The following ZC3H12B variants were observed in gnomAD, a reference collection of about 807,000 sequenced individuals.
The protein encoded by ZC3H12B is probable ribonuclease ZC3H12B.
Under a neutral mutation model 43.9 loss-of-function variants are expected in ZC3H12B, and 7 were observed. That is an observed-to-expected ratio of 0.16 (90% CI 0.09 to 0.30). ZC3H12B has a LOEUF of 0.30. Among genes scored for constraint, ZC3H12B ranks in the 10% least tolerant of loss-of-function variants. ZC3H12B has a pLI of 1.00. For missense variants in ZC3H12B, 475 were observed against 670.2 expected (o/e 0.71, Z 3.22); for synonymous variants, 222 against 241.7 (o/e 0.92, Z 0.76).
At chrX:65,314,182 A>G in the ZC3H12B span, among the ~76,000 whole-genome samples, 20 of 111,330 alleles carry the variant, frequency 1.8e-4, no homozygotes, top group African/African-American at 6.5e-4. Flanking sequence ...CAATATCACA[A>G]GGTCTAATGT....
At chrX:65,162,204 T>G in the ZC3H12B span, among the ~76,000 whole-genome samples, 60 of 111,437 alleles carry the variant, frequency 5.4e-4, no homozygotes, top group African/African-American at 1.8e-3. Flanking sequence ...TTAACATTTT[T>G]TCCTTCATTT....
the ZC3H12B span, among the ~76,000 whole-genome samples, chrX:65,117,255 A>C: frequency 8.9e-6 from 1 of 111,735 alleles, no homozygotes; most frequent in Non-Finnish European, 1.9e-5. Flanking sequence ...CGCCATTCTA[A>C]CTGGTGTGAG....
intron 3 of ZC3H12B, among the ~76,000 whole-genome samples, chrX:65,475,952 T>A (rs1482654696): frequency 8.9e-6 from 1 of 112,301 alleles, no homozygotes; most frequent in Non-Finnish European, 1.9e-5. Context: ...AAACCAAATC[T>A]CCCAGATTGC....
At chrX:65,363,559 C>T (rs867523903), upstream of ZC3H12B, among the ~76,000 whole-genome samples, 2 of 111,762 alleles carry the variant, frequency 1.8e-5, no homozygotes, top group African/African-American at 3.3e-5. Context: ...CTCCTGTTTC[C>T]GTTCCTTGAA....
chrX:65,258,599 C>T, the ZC3H12B span, among the ~76,000 whole-genome samples: 3 of 111,352 alleles, frequency 2.7e-5, no homozygotes, highest in Admixed American at 9.6e-5. Context: ...AATAAAGGCT[C>T]TTAAATAGGA....
intron 3 of ZC3H12B, among the ~76,000 whole-genome samples, chrX:65,472,739 G>A (rs1462981510): frequency 1.1e-5 from 1 of 94,865 alleles, no homozygotes; most frequent in African/African-American, 3.9e-5. Flanking sequence ...TAATGATGTG[G>A]ATTTATTTCT....
At chrX:65,459,557 G>A (rs1351815918) in intron 3 of ZC3H12B, among the ~76,000 whole-genome samples, 1 of 111,622 alleles carries the variant, frequency 9.0e-6, no homozygotes, top group Non-Finnish European at 1.9e-5. Flanking sequence ...TTCAACATAT[G>A]CAAATCAATA....
chrX:65,287,924 C>A, the ZC3H12B span, among the ~76,000 whole-genome samples: 4 of 107,136 alleles, frequency 3.7e-5, no homozygotes, highest in Admixed American at 3.0e-4. Context: ...TGAGAGAGGA[C>A]CCTAATAAGC....
the ZC3H12B span, among the ~76,000 whole-genome samples, chrX:65,113,866 A>T: frequency 1.9e-3 from 197 of 106,133 alleles, 2 homozygotes; most frequent in Middle Eastern, 9.6e-3. Flanking sequence ...ACTGAAGTAT[A>T]GTATAAAAAT....
chrX:65,351,695 A>T, the ZC3H12B span, among the ~76,000 whole-genome samples: 1 of 112,825 alleles, frequency 8.9e-6, no homozygotes, highest in East Asian at 2.8e-4. Flanking sequence ...ACATTTATGC[A>T]GCTAACAGAC....
the ZC3H12B span, among the ~76,000 whole-genome samples, chrX:65,337,675 G>A: frequency 3.6e-5 from 4 of 112,329 alleles, no homozygotes; most frequent in Non-Finnish European, 5.6e-5. Flanking sequence ...TAACTAGAAG[G>A]GTATTGATAG....
chrX:65,323,595 G>A, the ZC3H12B span, among the ~76,000 whole-genome samples: 1 of 112,246 alleles, frequency 8.9e-6, no homozygotes, highest in South Asian at 3.7e-4. Context: ...GTCTACCATT[G>A]AGGTGCATTT....
At chrX:65,413,468 G>C (rs1006168163) in intron 3 of ZC3H12B, among the ~76,000 whole-genome samples, 4 of 111,261 alleles carry the variant, frequency 3.6e-5, no homozygotes, top group Non-Finnish European at 7.5e-5. Flanking sequence ...TTTTGTTTAT[G>C]GTGTGAAGTA....
chrX:65,116,861 T>A, the ZC3H12B span, among the ~76,000 whole-genome samples: 1 of 111,826 alleles, frequency 8.9e-6, no homozygotes, highest in Non-Finnish European at 1.9e-5. Flanking sequence ...GGTATCCAGC[T>A]TCATCCATGT....
the ZC3H12B span, among the ~76,000 whole-genome samples, chrX:65,247,559 A>T: frequency 1.1e-4 from 12 of 113,056 alleles, no homozygotes; most frequent in African/African-American, 3.8e-4. Context: ...ATGAAGCTGT[A>T]AAAAAGAATG....
the ZC3H12B span, among the ~76,000 whole-genome samples, chrX:65,187,821 A>T: frequency 1.8e-5 from 2 of 110,916 alleles, no homozygotes; most frequent in Admixed American, 9.7e-5. Flanking sequence ...CCATCTAATT[A>T]TATTTTTAGT....
chrX:65,356,919 G>C, the ZC3H12B span: 2 of 409,186 alleles, frequency 4.9e-6, no homozygotes, highest in Non-Finnish European at 9.3e-6. Context: ...TGTTTGTAAA[G>C]TTCACATGCT....
the ZC3H12B span, among the ~76,000 whole-genome samples, chrX:65,344,504 A>T: frequency 8.9e-6 from 1 of 112,421 alleles, no homozygotes; most frequent in Non-Finnish European, 1.9e-5. Flanking sequence ...TACTTGGATA[A>T]CTGGCAATCC....
chrX:65,252,754 G>C, the ZC3H12B span, among the ~76,000 whole-genome samples: 1 of 111,896 alleles, frequency 8.9e-6, no homozygotes, highest in African/African-American at 3.2e-5. Flanking sequence ...TACGTTGTCA[G>C]TGATTTAAAG....
Sources: gnomAD v4.1 joint callset for allele counts (sites outside exome capture counted in the v4.1 genomes callset) on GRCh38, gnomAD v4.1.1 for gene constraint, MANE v1.5 for transcripts, NCBI Gene and HGNC (gene_info 2026-07-23, HGNC 2026-07-21) for gene names.